The following APOLD1 variants were observed in gnomAD, a reference collection of about 807,000 sequenced individuals.
The protein encoded by APOLD1 is apolipoprotein L domain containing 1.
A neutral mutation model predicts 15.3 loss-of-function variants in APOLD1; 22 were observed. That is an observed-to-expected ratio of 1.44 (90% confidence interval 1.03 to 2.05). APOLD1 has a LOEUF of 2.05. Ranked by LOEUF, APOLD1 falls within the 30% of genes most tolerant of loss-of-function variation. The pLI, the probability that APOLD1 is intolerant of heterozygous loss-of-function variation, is 0.00. For synonymous variants in APOLD1, 190 were observed against 167.4 expected, an observed-to-expected ratio of 1.13 and a Z score of -1.04; for missense variants, 394 against 353.5, an observed-to-expected ratio of 1.11 and a Z score of -0.92.
chr12:12,740,807 C>A (rs879345981), intron 1 of APOLD1, among the ~76,000 whole-genome samples: 1 of 152,046 alleles, frequency 6.6e-6, no homozygotes, highest in Non-Finnish European at 1.5e-5. Context: ...ATAATTTTCC[C>A]ACTACAGACT....
chr12:12,748,890 T>C (rs1476010278), intron 1 of APOLD1, among the ~76,000 whole-genome samples: 1 of 152,198 alleles, frequency 6.6e-6, no homozygotes, highest in African/African-American at 2.4e-5. Context: ...ACTGAAGATA[T>C]TGCCATTTCA....
intron 1 of APOLD1, among the ~76,000 whole-genome samples, chr12:12,760,626 C>T (rs1231106571): frequency 4.2e-5 from 6 of 144,442 alleles, no homozygotes; most frequent in South Asian, 2.2e-4. Flanking sequence ...GTGACAAAAG[C>T]GAAACTCTGT....
chr12:12,730,693 A>G (rs954689302), intron 1 of APOLD1, among the ~76,000 whole-genome samples: 2 of 122,602 alleles, frequency 1.6e-5, no homozygotes, highest in African/African-American at 6.9e-5. Context: ...AAAAAAAAAA[A>G]AAAAAGAAAG....
intron 1 of APOLD1, among the ~76,000 whole-genome samples, chr12:12,751,273 A>G (rs190741871): frequency 1.7e-4 from 26 of 152,268 alleles, no homozygotes; most frequent in Non-Finnish European, 2.6e-4. Context: ...GATGTCAGCC[A>G]CACCTCTGGC....
intron 1 of APOLD1, among the ~76,000 whole-genome samples, chr12:12,739,183 AG>A (rs1946712407): frequency 6.6e-6 from 1 of 152,236 alleles, no homozygotes; most frequent in African/African-American, 2.4e-5. Context: ...CATCTTGCAC[AG>A]GTCACTGAAT....
rs1006920031 is a variant in APOLD1 at position 12,787,247 on chromosome 12, C to T, written c.342C>T (p.Ser114=). 3.2e-5 allele frequency: 51 copies of T among 1,579,504 alleles called. No individual in the cohort carries two copies. The Admixed American group carries it at 6.8e-4, about 21-fold the overall frequency. Reference sequence around the variant, plus strand: ...ATCTCTCGCTGATCTTCTGCAACTCCCGGGAGCTGCGGAGGGTGCAGGAGA... The same window carrying T: ...ATCTCTCGCTGATCTTCTGCAACTCTCGGGAGCTGCGGAGGGTGCAGGAGA... ...TSDLSLIFCN[S]RELRRVQEIA... is the part of the protein sequence containing the mutation. Residue 114 remains serine (S), a synonymous_variant, in exon 2 of 2, where the codon TCC becomes TCT. Transcript: ENST00000356591. This position sits in a 1 kb window ranked among gnomAD's most constrained non-coding sequence, Gnocchi z 4.9.
At chr12:12,742,175 T>G (rs1232464905) in intron 1 of APOLD1, among the ~76,000 whole-genome samples, 1 of 152,110 alleles carries the variant, frequency 6.6e-6, no homozygotes, top group East Asian at 1.9e-4. Context: ...CCTTAGTCTC[T>G]CCTGAGGCAA....
intron 1 of APOLD1, among the ~76,000 whole-genome samples, chr12:12,736,366 A>C (rs1946685769): frequency 1.0e-5 from 1 of 99,154 alleles, no homozygotes; most frequent in East Asian, 3.3e-4. Flanking sequence ...AAAACAAAAC[A>C]AAACAAAAAA....
intron 1 of APOLD1, among the ~76,000 whole-genome samples, chr12:12,776,921 A>G (rs1389118910): frequency 6.6e-6 from 1 of 152,226 alleles, no homozygotes; most frequent in Non-Finnish European, 1.5e-5. Context: ...GCAATAACAC[A>G]TCTATAGAAA....
intron 1 of APOLD1, among the ~76,000 whole-genome samples, chr12:12,746,041 G>A (rs1353876355): frequency 2.6e-5 from 4 of 152,118 alleles, no homozygotes; most frequent in African/African-American, 9.7e-5. Flanking sequence ...TCATCTGGCA[G>A]CTCCGTGATC....
chr12:12,728,665 C>CAAAAAAAAAAAAAA (rs58877184), intron 1 of APOLD1, among the ~76,000 whole-genome samples: 1 of 62,842 alleles, frequency 1.6e-5, no homozygotes. Flanking sequence ...GACCCTGTCT[C>CAAAAAAAAAAAAAA]AAAAAAAAAA....
chr12:12,764,427 T>C (rs1372389174), intron 1 of APOLD1, among the ~76,000 whole-genome samples: 1 of 152,218 alleles, frequency 6.6e-6, no homozygotes, highest in Admixed American at 6.5e-5. Context: ...CAATATATAA[T>C]ATGCTATTTT....
At chr12:12,755,375 C>G (rs1338929573) in intron 1 of APOLD1, among the ~76,000 whole-genome samples, 1 of 151,816 alleles carries the variant, frequency 6.6e-6, no homozygotes, top group African/African-American at 2.4e-5. Flanking sequence ...CAAAAGGAAG[C>G]CCTATACCCA....
At chr12:12,748,275 TAAAC>T (rs1053080348) in intron 1 of APOLD1, among the ~76,000 whole-genome samples, 3 of 152,216 alleles carry the variant, frequency 2.0e-5, no homozygotes, top group African/African-American at 7.2e-5. Flanking sequence ...CGAGGTAATG[TAAAC>T]AAACAGTCCA....
intron 1 of APOLD1, among the ~76,000 whole-genome samples, chr12:12,736,754 A>C (rs950665951): frequency 1.3e-5 from 2 of 152,154 alleles, no homozygotes; most frequent in African/African-American, 4.8e-5. Context: ...TGATTTCATT[A>C]AGTAAGGAGG....
chr12:12,767,367 A>G (rs1358177929), intron 1 of APOLD1, among the ~76,000 whole-genome samples: 1 of 152,058 alleles, frequency 6.6e-6, no homozygotes, highest in African/African-American at 2.4e-5. Flanking sequence ...AAAATAATAC[A>G]CATTAAAAAA....
At chr12:12,728,414 C>T (rs1036403494) in intron 1 of APOLD1, among the ~76,000 whole-genome samples, 2 of 151,906 alleles carry the variant, frequency 1.3e-5, no homozygotes, top group East Asian at 1.9e-4. Context: ...ACCTGTAATC[C>T]GCACACTTTG....
intron 1 of APOLD1, among the ~76,000 whole-genome samples, chr12:12,764,159 C>T (rs997327533): frequency 2.6e-5 from 4 of 152,222 alleles, no homozygotes; most frequent in African/African-American, 7.2e-5. Context: ...GACAGGGTTT[C>T]GCCATGTTGG....
rs528587931 is a variant in APOLD1 at position 12,750,478 on chromosome 12, T to C, written c.96+24382T>C. Among the ~76,000 whole-genome samples, 12 of 152,274 alleles carry C rather than the reference T, an allele frequency of 7.9e-5. No individual in the cohort carries two copies. The South Asian group carries it at 2.3e-3, about 29-fold the overall frequency. ...AATTTTATTTTGAACTTCACTTTCT[T>C]TTATCTTTAATGTCTCATGATTTTG... On this transcript the variant is annotated intron_variant, in intron 1 of 1. Transcript: ENST00000326765.
Sources: allele counts gnomAD v4.1 joint callset (sites outside exome capture counted in the v4.1 genomes callset), GRCh38; gene constraint gnomAD v4.1.1; non-coding constraint Gnocchi (gnomAD v3.1); transcripts MANE v1.5; gene names NCBI Gene and HGNC (gene_info 2026-07-23, HGNC 2026-07-21).